ADAMTSL1: variants seen among roughly 807,000 people sequenced by gnomAD.
ADAMTSL1 encodes ADAMTS-like protein 1.
ADAMTSL1 carries 126 observed loss-of-function variants against 201.8 expected under a neutral mutation model. That is an observed-to-expected ratio of 0.62 (90% CI 0.54 to 0.72). The LOEUF is 0.72. ADAMTSL1 is among the 30% of genes least tolerant of loss of function. The pLI, the probability that ADAMTSL1 is intolerant of heterozygous loss-of-function variation, is 0.00. For synonymous variants in ADAMTSL1, 1,121 were observed against 903.4 expected (o/e 1.24, Z -4.32); for missense variants, 2,679 against 2,277.8 (o/e 1.18, Z -3.59).
At chr9:18,448,388 A>G (rs369275388) in intron 2 of ADAMTSL1, among the ~76,000 whole-genome samples, 1 of 152,176 alleles carries the variant, frequency 6.6e-6, no homozygotes, top group South Asian at 2.1e-4. Context: ...AACTAGGACA[A>G]TGAGATCAGG....
chr9:17,928,126 C>G (rs557351524), intron 1 of ADAMTSL1, among the ~76,000 whole-genome samples: 1 of 151,958 alleles, frequency 6.6e-6, no homozygotes, highest in South Asian at 2.1e-4. Context: ...TCCCAAGTAG[C>G]TGGGACTACA....
In ADAMTSL1 at chr9:18,110,378, G is replaced by A. The variant is rs1460645764; in HGVS notation, c.88-53484G>A. Among the ~76,000 whole-genome samples, 5 of 152,190 alleles carry A rather than the reference G, an allele frequency of 3.3e-5. No individual in the cohort carries two copies. In the East Asian group the frequency reaches 9.6e-4, roughly 29 times the overall value. ...CCAGCGAATGCTGCAGGTAGGGAAA[G>A]TGCAAGACTAGGCAGGTTTAGAGAA... On this transcript the variant is annotated intron_variant, in intron 1 of 29. Transcript: ENST00000680146.
At chr9:18,327,071 C>T (rs772436462) in intron 2 of ADAMTSL1, among the ~76,000 whole-genome samples, 3 of 152,086 alleles carry the variant, frequency 2.0e-5, no homozygotes, top group Non-Finnish European at 4.4e-5. Context: ...GAAAATTTAG[C>T]GAAAGCTGAT....
chr9:18,826,236 G>A, intron 21 of ADAMTSL1, 48 bp from the exon 22 acceptor site: 4 of 1,554,368 alleles, frequency 2.6e-6, no homozygotes, highest in South Asian at 1.2e-5. Flanking sequence ...TCACCTGAAT[G>A]TGTTTGACTG....
chr9:18,571,411 T>C (rs1489104353), intron 3 of ADAMTSL1, among the ~76,000 whole-genome samples: 1 of 152,222 alleles, frequency 6.6e-6, no homozygotes, highest in Non-Finnish European at 1.5e-5. Context: ...TGCTTTATTG[T>C]ATTTCAGTAT....
chr9:18,633,516 G>A (rs1019706879), intron 5 of ADAMTSL1, among the ~76,000 whole-genome samples: 1 of 152,056 alleles, frequency 6.6e-6, no homozygotes, highest in Non-Finnish European at 1.5e-5. Context: ...TTGAACCCAG[G>A]GGGCGGAGGT....
At chr9:18,775,060 T>A (rs947832069) in intron 17 of ADAMTSL1, among the ~76,000 whole-genome samples, 1 of 127,872 alleles carries the variant, frequency 7.8e-6, no homozygotes, top group Admixed American at 7.2e-5. Flanking sequence ...CTTTTTTTTT[T>A]ATTATTATTA....
At chr9:18,216,001 G>GA (rs1242618356) in intron 2 of ADAMTSL1, among the ~76,000 whole-genome samples, 19 of 152,262 alleles carry the variant, frequency 1.2e-4, no homozygotes, top group Admixed American at 1.2e-3. Flanking sequence ...AAGATTCTGT[G>GA]AAAAAATCTG....
chr9:18,047,662 C>T (rs917224405), intron 1 of ADAMTSL1, among the ~76,000 whole-genome samples: 6 of 152,042 alleles, frequency 3.9e-5, no homozygotes, highest in Non-Finnish European at 7.4e-5. Context: ...GTTTTAGAAC[C>T]TGTAAACTGA....
At chr9:18,713,838 C>A (rs1026201762) in intron 14 of ADAMTSL1, among the ~76,000 whole-genome samples, 1 of 146,900 alleles carries the variant, frequency 6.8e-6, no homozygotes, top group Non-Finnish European at 1.5e-5. Context: ...AAATTGACCA[C>A]ATACTGGGAA....
intron 2 of ADAMTSL1, among the ~76,000 whole-genome samples, chr9:18,425,859 GAAAAAA>G (rs71304881): frequency 9.5e-5 from 9 of 94,608 alleles, no homozygotes; most frequent in African/African-American, 3.1e-4. Flanking sequence ...CCTGTCTCAA[GAAAAAA>G]AAAAAAAAAA....
chr9:18,108,722 T>C (rs1722811754), intron 1 of ADAMTSL1, among the ~76,000 whole-genome samples: 1 of 152,180 alleles, frequency 6.6e-6, no homozygotes, highest in Admixed American at 6.6e-5. Flanking sequence ...TTAGTCAATG[T>C]GATGAGTCTT....
intron 1 of ADAMTSL1, among the ~76,000 whole-genome samples, chr9:18,101,165 G>A (rs1824498410): frequency 6.6e-6 from 1 of 152,042 alleles, no homozygotes; most frequent in African/African-American, 2.4e-5. Context: ...AAGGAAAGTA[G>A]ATTCTAATTT....
At chr9:18,000,894 C>T (rs1160816986) in intron 1 of ADAMTSL1, among the ~76,000 whole-genome samples, 1 of 152,018 alleles carries the variant, frequency 6.6e-6, no homozygotes, top group Non-Finnish European at 1.5e-5. Flanking sequence ...GCCTTTGTAT[C>T]ACATTTTTCA....
intron 1 of ADAMTSL1, among the ~76,000 whole-genome samples, chr9:18,042,585 G>T (rs890181829): frequency 1.3e-5 from 2 of 152,078 alleles, no homozygotes; most frequent in Non-Finnish European, 2.9e-5. Context: ...ACTCTATTCT[G>T]CCTCTGTTTA....
At chr9:18,279,464 C>T (rs1245734378) in intron 2 of ADAMTSL1, among the ~76,000 whole-genome samples, 1 of 150,586 alleles carries the variant, frequency 6.6e-6, no homozygotes. Context: ...GGTCATGTTT[C>T]CCTGATTATC....
chr9:18,258,817 C>G (rs1831799655), intron 2 of ADAMTSL1, among the ~76,000 whole-genome samples: 1 of 152,162 alleles, frequency 6.6e-6, no homozygotes, highest in African/African-American at 2.4e-5. Context: ...CGCATCTTCA[C>G]TTACTGTCTA....
intron 2 of ADAMTSL1, among the ~76,000 whole-genome samples, chr9:18,437,324 T>C (rs955236510): frequency 1.9e-4 from 29 of 152,250 alleles, no homozygotes; most frequent in African/African-American, 6.5e-4. Context: ...TTCATATATC[T>C]TGTATTCAAT....
chr9:18,331,663 A>G (rs866515759), intron 2 of ADAMTSL1, among the ~76,000 whole-genome samples: 1 of 152,100 alleles, frequency 6.6e-6, no homozygotes, highest in South Asian at 2.1e-4. Flanking sequence ...AACAAAAACA[A>G]TTTGCCACAA....
Sources: gnomAD v4.1 joint callset for allele counts (sites outside exome capture counted in the v4.1 genomes callset) on GRCh38, gnomAD v4.1.1 for gene constraint, MANE v1.5 for transcripts, NCBI Gene and HGNC (gene_info 2026-07-23, HGNC 2026-07-21) for gene names.